SH3RF2: variants seen among roughly 807,000 people sequenced by gnomAD.
The protein encoded by SH3RF2 is SH3 domain containing ring finger 2.
In SH3RF2, 43 loss-of-function variants were observed where a neutral mutation model predicts 59.0. The observed-to-expected ratio is 0.73, with a 90% CI of 0.57 to 0.94. SH3RF2 has a LOEUF of 0.94. Among genes scored for constraint, SH3RF2 ranks in the 40% least tolerant of loss-of-function variants. The pLI is 0.00. For synonymous variants in SH3RF2, 391 were observed against 391.5 expected (o/e 1.00, Z 0.01); for missense variants, 930 against 940.1 (o/e 0.99, Z 0.14).
downstream of SH3RF2, among the ~76,000 whole-genome samples, chr5:146,066,162 G>A (rs915644172): frequency 2.6e-5 from 4 of 152,154 alleles, no homozygotes; most frequent in Admixed American, 6.5e-5. Flanking sequence ...GCCCAACTTG[G>A]GACTTGCTCC....
chr5:145,953,479 G>T (rs548716654), intron 2 of SH3RF2, among the ~76,000 whole-genome samples: 2 of 152,244 alleles, frequency 1.3e-5, no homozygotes, highest in South Asian at 4.1e-4. Context: ...AGATGCAGAG[G>T]GACAAAGAAA....
chr5:146,080,229 G>A lies in SH3RF2; in HGVS notation c.*1803G>A, dbSNP rs972976306. ...TGGTGACATCTGAGTTGCATCTCCCGGAAATATTGTTTCTTATTATTACAC... is the reference window on the plus strand; with the variant it reads ...TGGTGACATCTGAGTTGCATCTCCCAGAAATATTGTTTCTTATTATTACAC... On this transcript the variant is annotated 3_prime_UTR_variant, in exon 10 of 10. Coordinates refer to the SH3RF2 transcript ENST00000511217. The A allele has an allele frequency of 3.3e-5, 5 of 152,072 alleles. No individual in the cohort carries two copies. In the South Asian group the frequency reaches 6.2e-4, roughly 19 times the overall value. 9.4% of individuals were successfully genotyped at this position (152,072 alleles called of 1,614,324 possible).
chr5:146,063,778 T>C (rs553463313), downstream of SH3RF2, among the ~76,000 whole-genome samples: 5 of 152,160 alleles, frequency 3.3e-5, no homozygotes, highest in South Asian at 1.0e-3. Flanking sequence ...GAAAATAGCT[T>C]GAACCCGGGA....
intron 2 of SH3RF2, among the ~76,000 whole-genome samples, chr5:145,976,158 G>A (rs1384624867): frequency 6.6e-6 from 1 of 152,160 alleles, no homozygotes; most frequent in Non-Finnish European, 1.5e-5. Flanking sequence ...TACATAAAGA[G>A]GAATAATTAA....
At chr5:145,993,103 C>A (rs190103692) in intron 2 of SH3RF2, among the ~76,000 whole-genome samples, 1 of 152,220 alleles carries the variant, frequency 6.6e-6, no homozygotes, top group East Asian at 1.9e-4. Flanking sequence ...GAGCTACAGG[C>A]CCCATGCAAG....
chr5:145,983,178 C>G (rs1759567304), intron 2 of SH3RF2, among the ~76,000 whole-genome samples: 1 of 151,678 alleles, frequency 6.6e-6, no homozygotes, highest in Non-Finnish European at 1.5e-5. Flanking sequence ...TCACATTCAG[C>G]AATGTCTGTT....
chr5:146,008,076 T>C (rs1218667441), intron 4 of SH3RF2, among the ~76,000 whole-genome samples: 2 of 152,250 alleles, frequency 1.3e-5, no homozygotes, highest in African/African-American at 2.4e-5. Context: ...ATTTCACTTA[T>C]TGAATTGCAC....
At chr5:146,014,330 C>T (rs1013782927) in intron 5 of SH3RF2, among the ~76,000 whole-genome samples, 1 of 152,164 alleles carries the variant, frequency 6.6e-6, no homozygotes, top group African/African-American at 2.4e-5. Flanking sequence ...CAAATTCTCA[C>T]AGATACTTTT....
chr5:146,045,309 C>G (rs1188393210), intron 5 of SH3RF2, among the ~76,000 whole-genome samples: 2 of 152,208 alleles, frequency 1.3e-5, no homozygotes, highest in Non-Finnish European at 2.9e-5. Flanking sequence ...TGGTTTCATT[C>G]TTCTTAATGC....
intron 9 of SH3RF2, among the ~76,000 whole-genome samples, chr5:146,071,871 C>T (rs183017526): frequency 7.6e-4 from 115 of 152,300 alleles, no homozygotes; most frequent in African/African-American, 2.6e-3. Flanking sequence ...GCATGTCCAG[C>T]TCTGAGTATG....
downstream of SH3RF2, among the ~76,000 whole-genome samples, chr5:146,064,684 A>G (rs372744030): frequency 2.9e-4 from 1 of 3,442 alleles, no homozygotes; most frequent in South Asian, 0.021. Context: ...GAAAGAAAGA[A>G]AGAAAGAAAG....
chr5:145,968,412 A>T (rs1758947734), intron 2 of SH3RF2, among the ~76,000 whole-genome samples: 1 of 152,224 alleles, frequency 6.6e-6, no homozygotes, highest in Non-Finnish European at 1.5e-5. Flanking sequence ...ATGTCCCAAA[A>T]GTACAGCTAA....
chr5:145,970,071 T>C (rs1561716147), intron 2 of SH3RF2, among the ~76,000 whole-genome samples: 1 of 152,206 alleles, frequency 6.6e-6, no homozygotes. Flanking sequence ...CCTTTACTCA[T>C]GTTAGCTTTA....
intron 9 of SH3RF2, among the ~76,000 whole-genome samples, chr5:146,069,853 T>A (rs1580956915): frequency 1.3e-5 from 2 of 152,084 alleles, no homozygotes; most frequent in Non-Finnish European, 2.9e-5. Flanking sequence ...AGATTACAGG[T>A]GTGAGCCACC....
chr5:145,953,711 T>C (rs1392687568), intron 2 of SH3RF2, among the ~76,000 whole-genome samples: 1 of 152,162 alleles, frequency 6.6e-6, no homozygotes, highest in East Asian at 1.9e-4. Context: ...CCTCCTCCTA[T>C]CCTCCACCTT....
chr5:146,064,801 AAG>A (rs1191544789), downstream of SH3RF2, among the ~76,000 whole-genome samples: 57 of 34,040 alleles, frequency 1.7e-3, no homozygotes, highest in Non-Finnish European at 2.3e-3. Context: ...GGAAGGAAGG[AAG>A]GAAGGAAAGA....
At chr5:145,990,480 T>C (rs566602176) in intron 2 of SH3RF2, among the ~76,000 whole-genome samples, 3 of 152,264 alleles carry the variant, frequency 2.0e-5, no homozygotes, top group Admixed American at 2.0e-4. Context: ...CCACGTACCC[T>C]TGTGTGTATG....
At chr5:145,975,634 C>T (rs1759258742) in intron 2 of SH3RF2, among the ~76,000 whole-genome samples, 1 of 152,246 alleles carries the variant, frequency 6.6e-6, no homozygotes, top group Non-Finnish European at 1.5e-5. Context: ...GCAAGAATAT[C>T]TGTGATCTTG....
At chr5:145,985,795 C>A (rs2078911001) in intron 2 of SH3RF2, among the ~76,000 whole-genome samples, 1 of 152,024 alleles carries the variant, frequency 6.6e-6, no homozygotes, top group Non-Finnish European at 1.5e-5. Flanking sequence ...GGAGCCCAGG[C>A]ATTTGAGACC....
Sources: gnomAD v4.1 joint callset for allele counts (sites outside exome capture counted in the v4.1 genomes callset) on GRCh38, gnomAD v4.1.1 for gene constraint, MANE v1.5 for transcripts, NCBI Gene and HGNC (gene_info 2026-07-23, HGNC 2026-07-21) for gene names.